Variants in OTOGL observed in about 807,000 individuals in gnomAD.
OTOGL encodes otogelin like, also known as otogelin-like protein.
A neutral mutation model predicts 318.5 loss-of-function variants in OTOGL; 285 were observed. The ratio of observed to expected loss-of-function variants is 0.89; its 90% confidence interval spans 0.81 to 0.99. The LOEUF is 0.99. OTOGL is among the 50% of genes least tolerant of loss of function. The pLI, the probability that OTOGL is intolerant of heterozygous loss-of-function variation, is 0.00. For missense variants in OTOGL, 2,899 were observed against 2,845.6 expected, an observed-to-expected ratio of 1.02 and a Z score of -0.43; for synonymous variants, 987 against 936.5, an observed-to-expected ratio of 1.05 and a Z score of -0.99.
intron 29 of OTOGL, among the ~76,000 whole-genome samples, chr12:80,306,467 A>C (rs545450798): frequency 1.5e-4 from 23 of 152,272 alleles, no homozygotes; most frequent in African/African-American, 5.3e-4. Context: ...TTGAAACCAC[A>C]ATTTCCTGAT....
At chr12:80,150,355 CAATA>C (rs1251782186) in intron 1 of OTOGL, among the ~76,000 whole-genome samples, 1 of 152,102 alleles carries the variant, frequency 6.6e-6, no homozygotes, top group Non-Finnish European at 1.5e-5. Flanking sequence ...ATTTCTTATT[CAATA>C]AAAATGAAAA....
intron 1 of OTOGL, among the ~76,000 whole-genome samples, chr12:80,162,577 G>T (rs2137196503): frequency 6.6e-6 from 1 of 152,076 alleles, no homozygotes; most frequent in South Asian, 2.1e-4. Context: ...GGGCTGTGGG[G>T]GTAGGATTTG....
At position 80,284,916 on chromosome 12, in the gene OTOGL, A is replaced by G. The variant is rs773512712; in HGVS notation, c.2928+5750A>G. ...ATTTGTCAATTTTGGCTTTTGTTGC[A>G]ATTGCTTTTGGTGTTTTAGTCATGA... On this transcript the variant is annotated intron_variant, in intron 26 of 58. Transcript: ENST00000547103. Among the ~76,000 whole-genome samples, 12 of 151,896 alleles carry G rather than the reference A, an allele frequency of 7.9e-5. No homozygotes were observed. In the East Asian group the frequency reaches 1.9e-3, roughly 25 times the overall value.
At chr12:80,196,212 C>G (rs554163235) in intron 1 of OTOGL, among the ~76,000 whole-genome samples, 1 of 152,212 alleles carries the variant, frequency 6.6e-6, no homozygotes, top group African/African-American at 2.4e-5. Context: ...GAGCTACAGT[C>G]CCCCTCCTTT....
At chr12:80,324,961 A>G (rs576611003) in intron 35 of OTOGL, among the ~76,000 whole-genome samples, 1 of 152,294 alleles carries the variant, frequency 6.6e-6, no homozygotes, top group East Asian at 1.9e-4. Context: ...TTTGATATGG[A>G]AAATTGTTCA....
chr12:80,212,576 A>G (rs1462165750), intron 4 of OTOGL, among the ~76,000 whole-genome samples: 1 of 152,170 alleles, frequency 6.6e-6, no homozygotes, highest in Non-Finnish European at 1.5e-5. Flanking sequence ...AATTTCTTCA[A>G]ACTGGTTGGA....
intron 19 of OTOGL, among the ~76,000 whole-genome samples, chr12:80,264,553 A>T (rs1882795421): frequency 1.3e-5 from 2 of 152,080 alleles, no homozygotes; most frequent in East Asian, 3.9e-4. Context: ...CATTTCAGAG[A>T]CTCCATTGAA....
intron 1 of OTOGL, among the ~76,000 whole-genome samples, chr12:80,108,936 G>GTGTGTATATATATATATA (rs1555268621): frequency 1.9e-4 from 25 of 128,226 alleles, no homozygotes; most frequent in African/African-American, 7.7e-4. Flanking sequence ...ATATGTGTGT[G>GTGTGTATATATATATATA]TATATATATA....
chr12:80,210,253 A>G (rs959954122), intron 2 of OTOGL, among the ~76,000 whole-genome samples: 3 of 152,110 alleles, frequency 2.0e-5, no homozygotes, highest in Non-Finnish European at 4.4e-5. Context: ...TATATTTTTA[A>G]TAGATAAGCA....
At chr12:80,130,205 C>T (rs1437148238) in intron 1 of OTOGL, among the ~76,000 whole-genome samples, 1 of 152,094 alleles carries the variant, frequency 6.6e-6, no homozygotes, top group Non-Finnish European at 1.5e-5. Context: ...CCATCATGCC[C>T]TGTGTTTGGA....
intron 1 of OTOGL, among the ~76,000 whole-genome samples, chr12:80,139,909 C>A (rs986090660): frequency 6.6e-6 from 1 of 152,168 alleles, no homozygotes; most frequent in South Asian, 2.1e-4. Flanking sequence ...TAACATCCTA[C>A]ACTGACTATT....
intron 1 of OTOGL, among the ~76,000 whole-genome samples, chr12:80,196,883 G>A (rs2137275006): frequency 6.6e-6 from 1 of 152,278 alleles, no homozygotes; most frequent in Admixed American, 6.5e-5. Context: ...TTAAGGCCAT[G>A]AGGGGAAGGG....
At chr12:80,150,018 G>C (rs566891956) in intron 1 of OTOGL, among the ~76,000 whole-genome samples, 27 of 151,930 alleles carry the variant, frequency 1.8e-4, no homozygotes, top group African/African-American at 6.3e-4. Context: ...CATCTTCTGC[G>C]TCGCTCACGC....
At chr12:80,127,906 C>T (rs920938577) in intron 1 of OTOGL, among the ~76,000 whole-genome samples, 2 of 152,194 alleles carry the variant, frequency 1.3e-5, no homozygotes, top group African/African-American at 4.8e-5. Context: ...CCTTTAAGGA[C>T]TTCTCTGCAT....
At position 80,302,666 on chromosome 12, in the gene OTOGL, T is replaced by C. The variant is rs1592679407; in HGVS notation, c.3096T>C (p.Ser1032=). The C allele has an allele frequency of 7.2e-7, 1 of 1,395,700 alleles. No homozygotes were observed. Among genetic ancestry groups the C allele is most frequent in the Non-Finnish European group, 9.3e-7 (1 of 1,072,630 alleles). The allele number at this position is 1,395,700 out of a possible 1,614,324, so 86.5% of individuals were successfully genotyped here. The part of the protein sequence containing the change: ...KQSGFFLENK[S]TYQLWKAGYY... Reference sequence around the variant, plus strand: ...CAGGTTTTTTTCTGGAAAACAAATCTACCTACCAGCTTTGGAAGGCTGGTT... The same window carrying C: ...CAGGTTTTTTTCTGGAAAACAAATCCACCTACCAGCTTTGGAAGGCTGGTT... Residue 1032 remains serine (S), a synonymous_variant, in exon 28 of 59, where the codon TCT becomes TCC. Transcript: ENST00000547103.
At chr12:80,233,653 A>G (rs1879580188) in intron 9 of OTOGL, among the ~76,000 whole-genome samples, 1 of 152,226 alleles carries the variant, frequency 6.6e-6, no homozygotes, top group Non-Finnish European at 1.5e-5. Context: ...TGAAACTAAA[A>G]GTGAGTTATA....
intron 26 of OTOGL, among the ~76,000 whole-genome samples, chr12:80,283,161 A>C (rs900418371): frequency 6.6e-6 from 1 of 151,674 alleles, no homozygotes; most frequent in African/African-American, 2.4e-5. Flanking sequence ...TTTCTTGACT[A>C]TATTTCTGAC....
Position 80,241,308 on chromosome 12 carries a change from T to C in OTOGL, c.1052+1869T>C, listed in dbSNP as rs1880356393. ...TAGATTTATATGTATAGTCTCTAAA[T>C]TGCAAGGATTCCTGAACTAATGCAG... On this transcript the variant is annotated intron_variant, in intron 11 of 58. Transcript: ENST00000547103. Among the ~76,000 whole-genome samples the C allele has an allele frequency of 2.6e-5, 4 of 152,156 alleles. No individual in the cohort carries two copies. In the South Asian group the frequency reaches 8.3e-4, roughly 32 times the overall value.
chr12:80,353,564 C>T (rs1016916240), intron 46 of OTOGL, 54 bp downstream of exon 46: 50 of 1,291,398 alleles, frequency 3.9e-5, no homozygotes, highest in Non-Finnish European at 5.0e-5. Context: ...CAAACAAAAA[C>T]ATTTTTTAGA....
Sources: gnomAD v4.1 joint callset for allele counts (sites outside exome capture counted in the v4.1 genomes callset) on GRCh38, gnomAD v4.1.1 for gene constraint, MANE v1.5 for transcripts, NCBI Gene and HGNC (gene_info 2026-07-23, HGNC 2026-07-21) for gene names.